The following TRMT44 variants were observed in gnomAD, a reference collection of about 807,000 sequenced individuals.
The protein encoded by TRMT44 is probable tRNA (uracil-O(2)-)-methyltransferase.
In TRMT44, 78 loss-of-function variants were observed where a neutral mutation model predicts 77.3. The ratio of observed to expected loss-of-function variants is 1.01; its 90% confidence interval spans 0.84 to 1.22. The LOEUF is 1.22. Ranked by LOEUF, TRMT44 falls within the 50% of genes most tolerant of loss-of-function variation. TRMT44 has a pLI of 0.00. For synonymous variants in TRMT44, 391 were observed against 383.3 expected, an observed-to-expected ratio of 1.02 and a Z score of -0.23; for missense variants, 1,090 against 964.4, an observed-to-expected ratio of 1.13 and a Z score of -1.73.
chr4:8,469,196 C>T lies in TRMT44; in HGVS notation c.1927+850C>T, dbSNP rs565672047. ...ATGGGACCGGGCCATGGAGCATAGA[C>T]GGCCCCTCCAGAAATCATTCGAACC... On this transcript the variant is annotated intron_variant, in intron 9 of 10. Transcript: ENST00000389737. Among the ~76,000 whole-genome samples, 185 of 152,338 alleles carry T rather than the reference C, an allele frequency of 1.2e-3. 1 individual carries two copies. Among genetic ancestry groups the T allele is most frequent in the Non-Finnish European group, 2.0e-3 (133 of 68,040 alleles).
chr4:8,442,232 A>T (rs1202896573), intron 1 of TRMT44, among the ~76,000 whole-genome samples: 2 of 152,192 alleles, frequency 1.3e-5, no homozygotes, highest in African/African-American at 4.8e-5. Flanking sequence ...TTATTGTCTC[A>T]TATTTTTATG....
chr4:8,476,748 T>C (rs369356613), downstream of TRMT44: 3 of 152,282 alleles, frequency 2.0e-5, no homozygotes, highest in East Asian at 3.8e-4. Flanking sequence ...TTGTTTCTCT[T>C]TTATTTTTAT....
At chr4:8,445,465 T>A (rs1268575423) in intron 1 of TRMT44, among the ~76,000 whole-genome samples, 1 of 152,232 alleles carries the variant, frequency 6.6e-6, no homozygotes, top group Non-Finnish European at 1.5e-5. Flanking sequence ...TGTCACCTTG[T>A]CCACGCCACT....
At chr4:8,515,091 T>G in the TRMT44 span, among the ~76,000 whole-genome samples, 1 of 152,118 alleles carries the variant, frequency 6.6e-6, no homozygotes, top group South Asian at 2.1e-4. Context: ...TCAGCCTCCC[T>G]AGGAGCTGGG....
the TRMT44 span, among the ~76,000 whole-genome samples, chr4:8,513,952 AC>A: frequency 1.3e-5 from 2 of 152,146 alleles, no homozygotes; most frequent in Non-Finnish European, 2.9e-5. Context: ...AATGCTTTGA[AC>A]CACTTGGTTT....
At chr4:8,489,179 G>A (rs573500245) in intron 2 of TRMT44, among the ~76,000 whole-genome samples, 29 of 152,322 alleles carry the variant, frequency 1.9e-4, no homozygotes, top group East Asian at 1.2e-3. Context: ...TCACTGTTTC[G>A]CTTGAAGGCC....
the TRMT44 span, among the ~76,000 whole-genome samples, chr4:8,502,244 C>T: frequency 1.7e-4 from 26 of 152,290 alleles, no homozygotes; most frequent in South Asian, 2.9e-3. Context: ...GAATGGTCCT[C>T]GGGACAGGCA....
chr4:8,475,283 G>T (rs767012353), intron 10 of TRMT44, among the ~76,000 whole-genome samples: 1 of 152,134 alleles, frequency 6.6e-6, no homozygotes, highest in Admixed American at 6.5e-5. Flanking sequence ...TCGTGTTTCG[G>T]CTCTCACACC....
chr4:8,441,512 A>G (rs1443216521), intron 1 of TRMT44, 71 bp downstream of exon 1: 1 of 1,428,842 alleles, frequency 7.0e-7, no homozygotes, highest in African/African-American at 1.4e-5. Context: ...GGTCAATGAA[A>G]AAGTCCTAAG....
chr4:8,480,404 C>A (rs1199218648), downstream of TRMT44, among the ~76,000 whole-genome samples: 1 of 152,114 alleles, frequency 6.6e-6, no homozygotes, highest in Non-Finnish European at 1.5e-5. Flanking sequence ...GGGTGGGCTG[C>A]CTGCATGCAC....
downstream of TRMT44, among the ~76,000 whole-genome samples, chr4:8,480,895 CAAA>C (rs1727592400): frequency 6.6e-6 from 1 of 152,208 alleles, no homozygotes; most frequent in Admixed American, 6.5e-5. Context: ...TAGTTTACCT[CAAA>C]ATGTGTTTAA....
chr4:8,500,375 G>T, the TRMT44 span, among the ~76,000 whole-genome samples: 1 of 150,056 alleles, frequency 6.7e-6, no homozygotes, highest in Non-Finnish European at 1.5e-5. Context: ...ACCCATAATC[G>T]CAGCTACTCA....
intron 2 of TRMT44, among the ~76,000 whole-genome samples, chr4:8,486,288 G>A (rs991762550): frequency 4.6e-5 from 7 of 152,214 alleles, no homozygotes; most frequent in Non-Finnish European, 8.8e-5. Flanking sequence ...TGGCCACTGC[G>A]GTTTAGGCAT....
At chr4:8,478,900 G>A (rs1397668651), downstream of TRMT44, 2 of 152,286 alleles carry the variant, frequency 1.3e-5, no homozygotes, top group Non-Finnish European at 2.9e-5. Flanking sequence ...TGGTCTTGGG[G>A]CCTGCAGGCG....
intron 3 of TRMT44, among the ~76,000 whole-genome samples, chr4:8,450,688 C>G (rs1725385524): frequency 6.6e-6 from 1 of 151,880 alleles, no homozygotes; most frequent in African/African-American, 2.4e-5. Flanking sequence ...TTATGCCCAG[C>G]TTAAGGCAGA....
intron 8 of TRMT44, among the ~76,000 whole-genome samples, chr4:8,466,809 G>A (rs977257121): frequency 1.3e-5 from 2 of 152,232 alleles, no homozygotes; most frequent in Non-Finnish European, 2.9e-5. Context: ...TCGAATGTAA[G>A]AGTGGATGTG....
At chr4:8,497,588 T>C (rs1728184794), downstream of TRMT44, among the ~76,000 whole-genome samples, 1 of 152,266 alleles carries the variant, frequency 6.6e-6, no homozygotes, top group African/African-American at 2.4e-5. Context: ...GAGCTTGCAG[T>C]GAGCTGAGAT....
the TRMT44 span, among the ~76,000 whole-genome samples, chr4:8,499,856 AAC>A: frequency 0.023 from 3,437 of 152,284 alleles, 73 homozygotes; most frequent in African/African-American, 0.053. Flanking sequence ...CTGCACCCTG[AAC>A]TCCTGAGTCA....
Position 8,454,694 on chromosome 4 carries a change from T to C in TRMT44, c.1132-48T>C, listed in dbSNP as rs773367590. 2.5e-6 allele frequency: 4 copies of C among 1,569,226 alleles called. No individual in the cohort carries two copies. The East Asian group carries it at 9.0e-5, about 35-fold the overall frequency. On this transcript the variant is annotated intron_variant, in intron 5 of 10. Coordinates refer to ENST00000389737, the MANE Select transcript of TRMT44 (RefSeq NM_152544.3). ...CTTTAATGTGTTCTTGCTAACTTAT[T>C]ATGAAGTACTAAGGTTAACCTTTGA...
Sources: gnomAD v4.1 joint callset for allele counts (sites outside exome capture counted in the v4.1 genomes callset) on GRCh38, gnomAD v4.1.1 for gene constraint, MANE v1.5 for transcripts, NCBI Gene and HGNC (gene_info 2026-07-23, HGNC 2026-07-21) for gene names.